CNOT4: variants seen among roughly 807,000 people sequenced by gnomAD.
CNOT4 encodes CCR4-NOT transcription complex subunit 4.
In CNOT4, 8 loss-of-function variants were observed where a neutral mutation model predicts 73.8. That is an observed-to-expected ratio of 0.11 (90% confidence interval 0.06 to 0.20). CNOT4 has a LOEUF of 0.20. Among genes scored for constraint, CNOT4 ranks in the 10% least tolerant of loss-of-function variants. The pLI, the probability that CNOT4 is intolerant of heterozygous loss-of-function variation, is 1.00. For missense variants in CNOT4, 564 were observed against 883.4 expected (o/e 0.64, Z 4.58); for synonymous variants, 293 against 321.1 (o/e 0.91, Z 0.94).
chr7:135,448,193 T>C (rs1340388944), intron 1 of CNOT4, among the ~76,000 whole-genome samples: 1 of 151,822 alleles, frequency 6.6e-6, no homozygotes, highest in Non-Finnish European at 1.5e-5. Context: ...GTACCCAGAG[T>C]TGTTGCAATG....
In CNOT4 at chr7:135,438,363, A is replaced by T. The variant is rs770580034; in HGVS notation, c.-32T>A. 4 of 1,555,402 alleles carry T rather than the reference A, an allele frequency of 2.6e-6. No homozygotes were observed. The African/African-American group carries it at 5.5e-5, about 21-fold the overall frequency. On this transcript the variant is annotated 5_prime_UTR_variant, in exon 2 of 12. Transcript: ENST00000541284. ...GTTTATTAAACAGCAGCAAAAGTTTATAATAATTTAAGGGAGAAGGAAGTT... is the reference window on the plus strand; with the variant it reads ...GTTTATTAAACAGCAGCAAAAGTTTTTAATAATTTAAGGGAGAAGGAAGTT...
chr7:135,398,193 T>C lies in CNOT4; in HGVS notation c.855A>G (p.Ile285Met), dbSNP rs748956003. 9.6e-6 allele frequency: 15 copies of C among 1,554,840 alleles called. No individual in the cohort carries two copies. The highest frequency in any genetic ancestry group is 1.3e-5 in the Non-Finnish European group (15 of 1,127,056). The change falls in exon 8 of 12, where the codon ATA becomes ATG. Residue 285 changes from isoleucine to methionine, a missense_variant. Ile to Met is a conservative substitution (Grantham distance 10). This residue lies in a region of CNOT4 where 135 missense variants were observed against 154.0 expected (regional missense o/e 0.88). Coordinates refer to ENST00000541284, the MANE Select transcript of CNOT4 (RefSeq NM_001190850.2). ...CCTGCTGGGAATTATCACCGTTCCC[T>C]ATACTGAGAGAATCTGAAGGTTTGT... ...PIDKPSDSLS[I>M]GNGDNSQQIS...
intron 10 of CNOT4, among the ~76,000 whole-genome samples, chr7:135,393,661 A>G (rs1368837105): frequency 6.6e-6 from 1 of 152,246 alleles, no homozygotes; most frequent in African/African-American, 2.4e-5. Context: ...ATACCATATG[A>G]AAGTTTGGTA....
At chr7:135,440,614 C>T (rs1314702663) in intron 1 of CNOT4, among the ~76,000 whole-genome samples, 2 of 152,070 alleles carry the variant, frequency 1.3e-5, no homozygotes, top group African/African-American at 4.8e-5. Flanking sequence ...CTATGTTCTA[C>T]AGCAATATAA....
chr7:135,472,446 C>T (rs1239773782), intron 1 of CNOT4, among the ~76,000 whole-genome samples: 1 of 121,064 alleles, frequency 8.3e-6, no homozygotes, highest in Non-Finnish European at 1.6e-5. Context: ...CACTGCACTC[C>T]AGCCCGGGCG....
chr7:135,475,383 T>C (rs985996162), intron 1 of CNOT4, among the ~76,000 whole-genome samples: 3 of 152,112 alleles, frequency 2.0e-5, no homozygotes, highest in Admixed American at 2.0e-4. Flanking sequence ...TGTCTAAAAA[T>C]TGATGATTAC....
chr7:135,455,244 A>G (rs1800450808), intron 1 of CNOT4, among the ~76,000 whole-genome samples: 1 of 151,824 alleles, frequency 6.6e-6, no homozygotes, highest in Non-Finnish European at 1.5e-5. Flanking sequence ...AGTGCACTCC[A>G]GCCTCGGGAA....
chr7:135,486,095 T>G (rs1244544353), intron 1 of CNOT4, among the ~76,000 whole-genome samples: 2 of 151,982 alleles, frequency 1.3e-5, no homozygotes, highest in Admixed American at 1.3e-4. Context: ...AAATCACCGC[T>G]AAAGAACTTA....
intron 10 of CNOT4, among the ~76,000 whole-genome samples, chr7:135,392,192 T>C (rs952622953): frequency 7.9e-5 from 12 of 152,090 alleles, no homozygotes; most frequent in African/African-American, 2.2e-4. Context: ...CAGGGTACAT[T>C]GATGTCTCTC....
rs565418565 is a variant in CNOT4 at position 135,446,271 on chromosome 7, G to A, written c.-92-7848C>T. Among the ~76,000 whole-genome samples, 21 of 152,222 alleles carry A rather than the reference G, an allele frequency of 1.4e-4. No homozygotes were observed. The South Asian group carries it at 4.4e-3, about 32-fold the overall frequency. Reference sequence around the variant, plus strand: ...TACTAGGGGGCTGGGGGAGAAGAATGGGGAGTTATTACTTAATTTAACAGA... The same window carrying A: ...TACTAGGGGGCTGGGGGAGAAGAATAGGGAGTTATTACTTAATTTAACAGA... On this transcript the variant is annotated intron_variant, in intron 1 of 11. Coordinates refer to ENST00000541284, the MANE Select transcript of CNOT4 (RefSeq NM_001190850.2).
At chr7:135,384,495 C>A in intron 10 of CNOT4, 1 of 565,578 alleles carries the variant, frequency 1.8e-6, no homozygotes. Context: ...CCGTGTTAGC[C>A]AGGATGGTCT....
intron 1 of CNOT4, among the ~76,000 whole-genome samples, chr7:135,496,947 C>T (rs1204876999): frequency 6.6e-6 from 1 of 151,698 alleles, no homozygotes; most frequent in Non-Finnish European, 1.5e-5. Context: ...GCTGGGACTA[C>T]ATGAGTGCAC....
At position 135,363,289 on chromosome 7, in the gene CNOT4, A is replaced by G; in HGVS notation, c.1841-103T>C. 1 of 1,032,530 alleles carries G rather than the reference A, an allele frequency of 9.7e-7. No homozygotes were observed. The highest frequency in any genetic ancestry group is 1.5e-6 in the Non-Finnish European group (1 of 686,574). The allele number at this position is 1,032,530 out of a possible 1,614,324, so 64.0% of individuals were successfully genotyped here. A position where few individuals can be genotyped will look rare whatever the true frequency, so the allele number is the denominator to read the frequency against. ...GCAAAACCAAAAGGAAAGACAGAAG[A>G]GATTACAATTTTAAACTCCTTCCAA... On this transcript the variant is annotated intron_variant, in intron 11 of 11. Coordinates refer to ENST00000541284, the MANE Select transcript of CNOT4 (RefSeq NM_001190850.2). This position sits in a 1 kb window ranked among gnomAD's most constrained non-coding sequence, Gnocchi z 4.3.
At chr7:135,400,600 TA>T (rs1309274969) in intron 7 of CNOT4, among the ~76,000 whole-genome samples, 1 of 152,112 alleles carries the variant, frequency 6.6e-6, no homozygotes, top group Non-Finnish European at 1.5e-5. Flanking sequence ...AAATATTACA[TA>T]AAAAACAAAT....
At chr7:135,484,593 T>C (rs149386244) in intron 1 of CNOT4, among the ~76,000 whole-genome samples, 121 of 152,064 alleles carry the variant, frequency 8.0e-4, no homozygotes, top group African/African-American at 2.8e-3. Context: ...CCATTTATAC[T>C]AAAAATACAA....
chr7:135,365,108 T>C (rs749820108), intron 10 of CNOT4, among the ~76,000 whole-genome samples: 1 of 152,246 alleles, frequency 6.6e-6, no homozygotes, highest in Non-Finnish European at 1.5e-5. Context: ...GCACGATCTA[T>C]GCTGCTTAGC....
chr7:135,368,016 T>C (rs1424551), intron 10 of CNOT4, among the ~76,000 whole-genome samples: 135,453 of 152,098 alleles, frequency 0.89, 61,185 homozygotes, highest in East Asian at 1. Flanking sequence ...AAAACACTAT[T>C]TTCAGTTCTA....
intron 9 of CNOT4, among the ~76,000 whole-genome samples, chr7:135,395,246 G>T (rs1465271525): frequency 1.3e-5 from 2 of 151,850 alleles, no homozygotes; most frequent in Non-Finnish European, 2.9e-5. Flanking sequence ...TAACCAGGAG[G>T]CTGAGGTGGG....
rs375304121 is a variant in CNOT4 at position 135,427,924 on chromosome 7, A to G, written c.175-5571T>C. On this transcript the variant is annotated intron_variant, in intron 2 of 11. Coordinates refer to ENST00000541284, the MANE Select transcript of CNOT4 (RefSeq NM_001190850.2). ...AAGGAGAAAGAACATTCAAAGCCCAACACCAGCTCATGGTAGTCTTTGGCA... is the reference window on the plus strand; with the variant it reads ...AAGGAGAAAGAACATTCAAAGCCCAGCACCAGCTCATGGTAGTCTTTGGCA... Among the ~76,000 whole-genome samples the G allele has an allele frequency of 3.3e-5, 5 of 152,198 alleles. No homozygotes were observed. In the East Asian group the frequency reaches 9.6e-4, roughly 29 times the overall value.
Sources: gnomAD v4.1 joint callset for allele counts (sites outside exome capture counted in the v4.1 genomes callset) on GRCh38, gnomAD v4.1.1 for gene constraint, gnomAD v4.1.1 regional missense constraint, Gnocchi (gnomAD v3.1) non-coding constraint, MANE v1.5 for transcripts, NCBI Gene and HGNC (gene_info 2026-07-23, HGNC 2026-07-21) for gene names.